Variants in HACD1 observed in about 807,000 individuals in gnomAD.
The protein encoded by HACD1 is 3-hydroxyacyl-CoA dehydratase 1, also known as very-long-chain (3R)-3-hydroxyacyl-CoA dehydratase 1.
In HACD1, 41 loss-of-function variants were observed where a neutral mutation model predicts 32.0. That is an observed-to-expected ratio of 1.28 (90% CI 1.00 to 1.66). HACD1 has a LOEUF of 1.66. Among genes scored for constraint, HACD1 ranks in the 40% most tolerant of loss-of-function variants. HACD1 has a pLI of 0.00. For missense variants in HACD1, 396 were observed against 380.1 expected (o/e 1.04, Z -0.35); for synonymous variants, 142 against 139.0 (o/e 1.02, Z -0.15).
intron 6 of HACD1, among the ~76,000 whole-genome samples, chr10:17,593,194 G>A (rs1833951004): frequency 6.6e-6 from 1 of 152,116 alleles, no homozygotes; most frequent in South Asian, 2.1e-4. Flanking sequence ...AAAAAAGTTG[G>A]AGACCTCAAG....
At chr10:17,593,992 ATTTACC>A (rs1588983373) in intron 6 of HACD1, among the ~76,000 whole-genome samples, 1 of 152,316 alleles carries the variant, frequency 6.6e-6, no homozygotes, top group East Asian at 1.9e-4. Flanking sequence ...CCATGCGTTA[ATTTACC>A]TGCCTTTATT....
At chr10:17,614,901 C>T (rs1437186427) in intron 1 of HACD1, among the ~76,000 whole-genome samples, 9 of 151,942 alleles carry the variant, frequency 5.9e-5, no homozygotes, top group Admixed American at 1.3e-4. Context: ...TATAGGCGCC[C>T]GCCATGGCGC....
intron 1 of HACD1, among the ~76,000 whole-genome samples, chr10:17,613,380 C>T (rs533991423): frequency 2.0e-4 from 30 of 152,058 alleles, no homozygotes; most frequent in Non-Finnish European, 2.9e-4. Context: ...TGCTGTCCAC[C>T]CTATAAAACG....
At chr10:17,612,105 CA>C (rs34058469) in intron 1 of HACD1, among the ~76,000 whole-genome samples, 2,598 of 104,886 alleles carry the variant, frequency 0.025, 46 homozygotes, top group East Asian at 0.12. Context: ...AACTCCATCT[CA>C]AAAAAAAAAA....
At chr10:17,612,920 CAA>C (rs67797913) in intron 1 of HACD1, among the ~76,000 whole-genome samples, 30 of 125,474 alleles carry the variant, frequency 2.4e-4, no homozygotes, top group African/African-American at 2.9e-4. Flanking sequence ...GACTCCGTCT[CAA>C]AAAAAAAAAA....
At chr10:17,591,985 T>TTTTATTTTA (rs1340309175) in intron 6 of HACD1, among the ~76,000 whole-genome samples, 3 of 134,700 alleles carry the variant, frequency 2.2e-5, no homozygotes, top group African/African-American at 9.4e-5. Flanking sequence ...GATTTTTTTT[T>TTTTATTTTA]TTTTTTTTTT....
intron 1 of HACD1, among the ~76,000 whole-genome samples, chr10:17,616,873 C>A (rs1470416630): frequency 6.6e-6 from 1 of 152,106 alleles, no homozygotes; most frequent in African/African-American, 2.4e-5. Flanking sequence ...CCCCGCCGTG[C>A]ACCGTATTAG....
At chr10:17,611,030 T>C (rs1205967969) in intron 1 of HACD1, among the ~76,000 whole-genome samples, 1 of 138,026 alleles carries the variant, frequency 7.2e-6, no homozygotes, top group African/African-American at 2.8e-5. Flanking sequence ...TGAGACAGTC[T>C]CGCTCTGTTG....
chr10:17,615,786 G>C (rs1554817954), intron 1 of HACD1: 2 of 422,188 alleles, frequency 4.7e-6, no homozygotes, highest in Non-Finnish European at 9.6e-6. Flanking sequence ...GGCCAACATG[G>C]TGATACCCTG....
intron 5 of HACD1, among the ~76,000 whole-genome samples, chr10:17,598,207 C>T (rs1834020038): frequency 7.0e-6 from 1 of 143,560 alleles, no homozygotes; most frequent in Non-Finnish European, 1.5e-5. Context: ...TTGAAGTGAG[C>T]CGAGATCGTG....
intron 1 of HACD1, among the ~76,000 whole-genome samples, chr10:17,612,290 G>A (rs1188208530): frequency 9.2e-5 from 14 of 152,024 alleles, no homozygotes; most frequent in Admixed American, 8.5e-4. Flanking sequence ...AAATGTAACT[G>A]TCAAAAAGTA....
In HACD1 at chr10:17,592,168, G is replaced by C. The variant is rs1005350459; in HGVS notation, c.785-1722C>G. Among the ~76,000 whole-genome samples the C allele has an allele frequency of 1.1e-4, 17 of 151,642 alleles. 1 individual carries two copies. Among genetic ancestry groups the C allele is most frequent in the South Asian group, 2.1e-4 (1 of 4,800 alleles). Reference sequence around the variant, plus strand: ...GGCTAATTTTTGTATTTTTAGTAGAGACGGGGTTTCACCATGGTGGTCAGG... The same window carrying C: ...GGCTAATTTTTGTATTTTTAGTAGACACGGGGTTTCACCATGGTGGTCAGG... On this transcript the variant is annotated intron_variant, in intron 6 of 6. Coordinates refer to ENST00000361271, the MANE Select transcript of HACD1 (RefSeq NM_014241.4).
chr10:17,616,610 T>A, intron 1 of HACD1, among the ~76,000 whole-genome samples: 1 of 139,592 alleles, frequency 7.2e-6, no homozygotes, highest in African/African-American at 2.7e-5. Flanking sequence ...TTCAAAATCG[T>A]CCCAAGTGAC....
chr10:17,592,609 GC>G (rs1291722175), intron 6 of HACD1, among the ~76,000 whole-genome samples: 2 of 152,020 alleles, frequency 1.3e-5, no homozygotes, highest in African/African-American at 2.4e-5. Flanking sequence ...GGTGCTTCAG[GC>G]TCTCCATTTC....
At chr10:17,600,201 C>T (rs1834049680) in intron 4 of HACD1, among the ~76,000 whole-genome samples, 1 of 152,232 alleles carries the variant, frequency 6.6e-6, no homozygotes, top group African/African-American at 2.4e-5. Context: ...GAATGTTACT[C>T]TCTTATTCCA....
chr10:17,605,130 CAG>C (rs1554816938), intron 1 of HACD1, among the ~76,000 whole-genome samples: 2 of 152,090 alleles, frequency 1.3e-5, no homozygotes, highest in Non-Finnish European at 2.9e-5. Flanking sequence ...TCACTGGGTG[CAG>C]AGTTTCAGTT....
intron 1 of HACD1, among the ~76,000 whole-genome samples, chr10:17,611,029 C>A (rs1241523813): frequency 7.7e-6 from 1 of 129,102 alleles, no homozygotes; most frequent in African/African-American, 3.1e-5. Flanking sequence ...TTGAGACAGT[C>A]TCGCTCTGTT....
chr10:17,591,976 A>AATTTT (rs1833933560), intron 6 of HACD1, among the ~76,000 whole-genome samples: 1 of 96,942 alleles, frequency 1.0e-5, no homozygotes, highest in African/African-American at 4.5e-5. Context: ...CCAGCTACTG[A>AATTTT]TTTTTTTTTT....
At chr10:17,596,522 GA>G (rs1554816020) in intron 5 of HACD1, among the ~76,000 whole-genome samples, 21 of 144,988 alleles carry the variant, frequency 1.4e-4, no homozygotes, top group Non-Finnish European at 3.0e-5. Context: ...TTCAATAGAA[GA>G]AAAAATTAAC....
Sources: gnomAD v4.1 joint callset for allele counts (sites outside exome capture counted in the v4.1 genomes callset) on GRCh38, gnomAD v4.1.1 for gene constraint, MANE v1.5 for transcripts, NCBI Gene and HGNC (gene_info 2026-07-23, HGNC 2026-07-21) for gene names.